DDI2: variants seen among roughly 807,000 people sequenced by gnomAD.
DDI2 encodes DDI proteasomal shuttling factor 2, also known as protein DDI1 homolog 2.
In DDI2, 5 loss-of-function variants were observed where a neutral mutation model predicts 48.1. That is an observed-to-expected ratio of 0.10 (90% confidence interval 0.05 to 0.22). The LOEUF (loss-of-function observed/expected upper bound fraction) is 0.22, where lower values mean the gene tolerates loss of function less well. DDI2 is among the 10% of genes least tolerant of loss of function. The pLI, the probability that DDI2 is intolerant of heterozygous loss-of-function variation, is 1.00. For synonymous variants in DDI2, 205 were observed against 183.6 expected (o/e 1.12, Z -0.94); for missense variants, 285 against 506.2 (o/e 0.56, Z 4.19).
chr1:15,617,837 C>G (rs778886267), intron 1 of DDI2, 29 bp downstream of exon 1: 1 of 1,554,724 alleles, frequency 6.4e-7, no homozygotes, highest in South Asian at 1.2e-5. Context: ...CGGGCCTGCC[C>G]CGGAGCTAAG....
At chr1:15,626,349 G>A (rs1436627300) in intron 1 of DDI2, among the ~76,000 whole-genome samples, 3 of 152,146 alleles carry the variant, frequency 2.0e-5, no homozygotes, top group African/African-American at 4.8e-5. Context: ...GATCAGAGAC[G>A]TAAAAGGAAA....
chr1:15,661,344 T>C lies in DDI2; in HGVS notation c.*1554T>C, dbSNP rs1640372883. The C allele has an allele frequency of 6.2e-7, 1 of 1,613,964 alleles. No individual in the cohort carries two copies. The highest frequency in any genetic ancestry group is 1.7e-5 in the Admixed American group (1 of 59,990). ...TACACTGCACCTTAGGTGTAGAAAT[T>C]TCACCCAAACTTTTAGCAGGTGAGG... On this transcript the variant is annotated 3_prime_UTR_variant, in exon 10 of 10. Transcript: ENST00000480945.
At chr1:15,626,644 T>C (rs374078440) in intron 1 of DDI2, 25 bp from the exon 2 acceptor site, 26 of 1,613,970 alleles carry the variant, frequency 1.6e-5, no homozygotes, top group Non-Finnish European at 2.2e-5. Flanking sequence ...TGCTTTATAC[T>C]GTTGTATATC....
intron 1 of DDI2, among the ~76,000 whole-genome samples, chr1:15,626,284 GT>G (rs1639753552): frequency 6.6e-6 from 1 of 152,136 alleles, no homozygotes; most frequent in Non-Finnish European, 1.5e-5. Context: ...TATTGTGTTA[GT>G]TGAGAGTACA....
At chr1:15,656,715 T>C in intron 9 of DDI2, 36 bp downstream of exon 9, 1 of 1,612,690 alleles carries the variant, frequency 6.2e-7, no homozygotes, top group Non-Finnish European at 8.5e-7. Context: ...TTCCATCCAG[T>C]TGTCATCTGT....
chr1:15,619,314 C>T (rs1367257475), intron 1 of DDI2, among the ~76,000 whole-genome samples: 1 of 150,946 alleles, frequency 6.6e-6, no homozygotes, highest in Non-Finnish European at 1.5e-5. Flanking sequence ...TTAGTAGAGA[C>T]GGGGTTTCAC....
chr1:15,619,947 C>G (rs1465446357), intron 1 of DDI2, among the ~76,000 whole-genome samples: 1 of 152,010 alleles, frequency 6.6e-6, no homozygotes, highest in East Asian at 1.9e-4. Flanking sequence ...CAAAGGGATA[C>G]CTGACACCCC....
At chr1:15,641,122 T>C (rs879425860) in intron 5 of DDI2, among the ~76,000 whole-genome samples, 3 of 152,152 alleles carry the variant, frequency 2.0e-5, no homozygotes, top group Non-Finnish European at 4.4e-5. Context: ...ACTAATCTCA[T>C]AAGGAGTGGA....
intron 1 of DDI2, among the ~76,000 whole-genome samples, chr1:15,621,082 C>CCA (rs1438011256): frequency 6.6e-6 from 1 of 152,144 alleles, no homozygotes; most frequent in Non-Finnish European, 1.5e-5. Context: ...TCTGCTTGTA[C>CCA]ATGTGATTAA....
chr1:15,633,589 A>G, intron 4 of DDI2, 24 bp downstream of exon 4: 1 of 1,607,100 alleles, frequency 6.2e-7, no homozygotes, highest in Non-Finnish European at 8.5e-7. Flanking sequence ...CATCTAAAGA[A>G]CAAAACTTAG....
chr1:15,644,886 C>T (rs1454481082), intron 6 of DDI2, among the ~76,000 whole-genome samples: 2 of 150,724 alleles, frequency 1.3e-5, no homozygotes, highest in Non-Finnish European at 2.9e-5. Context: ...AGCCACCGCT[C>T]CCGGCCTCTT....
intron 5 of DDI2, among the ~76,000 whole-genome samples, chr1:15,640,894 G>A (rs1357097224): frequency 6.6e-6 from 1 of 152,198 alleles, no homozygotes; most frequent in African/African-American, 2.4e-5. Flanking sequence ...AGTTAGGGAG[G>A]AAGTGGGTCT....
Position 15,667,028 on chromosome 1 carries a change from T to G in DDI2, c.*7238T>G, listed in dbSNP as rs1021426316. The G allele has an allele frequency of 1.3e-5, 2 of 152,130 alleles. No homozygotes were observed. The highest frequency in any genetic ancestry group is 1.9e-4 in the East Asian group (1 of 5,158). 9.4% of individuals were successfully genotyped at this position (152,130 alleles called of 1,614,324 possible). A position where few individuals can be genotyped will look rare whatever the true frequency, so the allele number is the denominator to read the frequency against. ...GTCGAGACCAGCCTGGCCAATATGA[T>G]GAAACCTTACCTCTACTAAAAATAA... On this transcript the variant is annotated 3_prime_UTR_variant, in exon 10 of 10. Coordinates refer to ENST00000480945, the MANE Select transcript of DDI2 (RefSeq NM_032341.5).
Position 15,656,678 on chromosome 1 carries a change from A to G in DDI2, c.*45A>G. The stretch of plus-strand genomic sequence containing the variant: ...CTGCAGCTGGAGTGGGCCCCAGACC[A>G]GGTATTTATAGACACCATGTTAAGC... On this transcript the variant is annotated splice_region_variant and 3_prime_UTR_variant, in exon 9 of 10. Transcript: ENST00000480945. 6.2e-7 allele frequency: 1 copy of G among 1,614,158 alleles called. No homozygotes were observed. The highest frequency in any genetic ancestry group is 8.5e-7 in the Non-Finnish European group (1 of 1,179,982).
intron 1 of DDI2, among the ~76,000 whole-genome samples, chr1:15,625,874 C>T (rs1291930941): frequency 6.6e-6 from 1 of 152,186 alleles, no homozygotes; most frequent in Non-Finnish European, 1.5e-5. Flanking sequence ...GCCTTGGCCT[C>T]CCAAAGTGCT....
chr1:15,633,597 T>A lies in DDI2; in HGVS notation c.632+32T>A, dbSNP rs764964935. The A allele has an allele frequency of 4.4e-6, 7 of 1,602,994 alleles. No homozygotes were observed. In the Admixed American group the frequency reaches 8.5e-5, roughly 19 times the overall value. On this transcript the variant is annotated intron_variant, in intron 4 of 9. Transcript: ENST00000480945. ...ACCTGTTCATCTAAAGAACAAAACT[T>A]AGAGACTCCAGATTTCCCAGACTGC...
rs373171208 is a variant in DDI2 at position 15,661,613 on chromosome 1, G to A, written c.*1823G>A. ...GCCACAGATATTGACCGCATTCTCC[G>A]TGCTGGCTTTACTTTGCAGGAAGCT... On this transcript the variant is annotated 3_prime_UTR_variant, in exon 10 of 10. Coordinates refer to ENST00000480945, the MANE Select transcript of DDI2 (RefSeq NM_032341.5). 2.7e-5 allele frequency: 44 copies of A among 1,613,908 alleles called. 1 individual carries two copies. The highest frequency in any genetic ancestry group is 2.2e-4 in the South Asian group (20 of 90,982).
chr1:15,644,993 G>A (rs1640067754), intron 6 of DDI2, among the ~76,000 whole-genome samples: 1 of 151,108 alleles, frequency 6.6e-6, no homozygotes, highest in African/African-American at 2.4e-5. Context: ...GGGTTCAAGC[G>A]ATTCTCCTGA....
intron 6 of DDI2, among the ~76,000 whole-genome samples, chr1:15,645,367 C>T (rs1356411762): frequency 3.9e-5 from 6 of 152,282 alleles, no homozygotes; most frequent in Admixed American, 6.5e-5. Flanking sequence ...ATTATTTTGA[C>T]GATGATTTTC....
Sources: gnomAD v4.1 joint callset for allele counts (sites outside exome capture counted in the v4.1 genomes callset) on GRCh38, gnomAD v4.1.1 for gene constraint, MANE v1.5 for transcripts, NCBI Gene and HGNC (gene_info 2026-07-23, HGNC 2026-07-21) for gene names.